The following AFF3 variants were observed in gnomAD, a reference collection of about 807,000 sequenced individuals.
The protein encoded by AFF3 is ALF transcription elongation factor 3.
AFF3 carries 32 observed loss-of-function variants against 129.7 expected under a neutral mutation model. The ratio of observed to expected loss-of-function variants is 0.25; its 90% CI spans 0.19 to 0.33. AFF3 has a LOEUF of 0.33. Among genes scored for constraint, AFF3 ranks in the 10% least tolerant of loss-of-function variants. The pLI, the probability that AFF3 is intolerant of heterozygous loss-of-function variation, is 1.00. For synonymous variants in AFF3, 644 were observed against 635.4 expected (o/e 1.01, Z -0.20); for missense variants, 1,373 against 1,592.0 (o/e 0.86, Z 2.34).
intron 11 of AFF3, among the ~76,000 whole-genome samples, chr2:99,681,910 T>TA (rs1475099146): frequency 6.7e-6 from 1 of 149,132 alleles, no homozygotes; most frequent in East Asian, 2.0e-4. Flanking sequence ...TTAATTCTAT[T>TA]TTTTTTTTTT....
chr2:99,653,384 G>A (rs1055378167), intron 12 of AFF3, among the ~76,000 whole-genome samples: 1 of 152,140 alleles, frequency 6.6e-6, no homozygotes, highest in Non-Finnish European at 1.5e-5. Context: ...CCTAGTCATG[G>A]AAATAGACCA....
At chr2:99,949,060 G>A (rs1234386800) in intron 7 of AFF3, among the ~76,000 whole-genome samples, 1 of 152,096 alleles carries the variant, frequency 6.6e-6, no homozygotes, top group African/African-American at 2.4e-5. Context: ...TGGATTTGGG[G>A]GTCAGAACAC....
chr2:99,564,239 G>T (rs1158070324), intron 20 of AFF3, among the ~76,000 whole-genome samples: 1 of 152,130 alleles, frequency 6.6e-6, no homozygotes, highest in East Asian at 1.9e-4. Context: ...CTGTGCTCAA[G>T]GTACTCACAC....
chr2:99,733,050 A>T (rs1679959971), intron 10 of AFF3, among the ~76,000 whole-genome samples: 1 of 152,138 alleles, frequency 6.6e-6, no homozygotes, highest in South Asian at 2.1e-4. Context: ...TCATACATAT[A>T]GTCGTGTGTG....
chr2:99,837,611 C>G (rs1245156756), intron 7 of AFF3, 87 bp from the exon 8 acceptor site: 1 of 904,370 alleles, frequency 1.1e-6, no homozygotes, highest in Non-Finnish European at 1.6e-6. Flanking sequence ...TAGTCCCCCC[C>G]AACAAAAAAA....
rs1427594553 is a variant in AFF3 at position 99,587,222 on chromosome 2, G to A, written c.2523C>T (p.Ser841=). The part of the protein sequence containing the change: ...EIKKSQGEKD[S]SSRLATSTSN... ...TGGTGGAGGTGGCCAGTCTTGAAGAGCTGTCTTTCTCTCCCTGGGACTTCT... is the reference window on the plus strand; with the variant it reads ...TGGTGGAGGTGGCCAGTCTTGAAGAACTGTCTTTCTCTCCCTGGGACTTCT... The change falls in exon 16 of 25, where the codon AGC becomes AGT. Residue 841 remains serine (S), a synonymous_variant. Transcript: ENST00000672756. 1.9e-6 allele frequency: 3 copies of A among 1,614,190 alleles called. No individual in the cohort carries two copies. The highest frequency in any genetic ancestry group is 2.5e-6 in the Non-Finnish European group (3 of 1,180,032).
At chr2:100,029,289 C>A (rs897907428) in intron 4 of AFF3, among the ~76,000 whole-genome samples, 2 of 152,080 alleles carry the variant, frequency 1.3e-5, no homozygotes, top group Non-Finnish European at 2.9e-5. Context: ...GAAACTGAGA[C>A]AGACATAGAG....
chr2:99,761,376 C>T (rs1338261388), intron 8 of AFF3, among the ~76,000 whole-genome samples: 2 of 152,158 alleles, frequency 1.3e-5, no homozygotes, highest in Non-Finnish European at 2.9e-5. Context: ...GGGCCAGTTT[C>T]CATTTTCACG....
chr2:99,876,127 T>A lies in AFF3; in HGVS notation c.874-38603A>T, dbSNP rs1466289633. The stretch of plus-strand genomic sequence containing the variant: ...ACAAAGAACCCAGTCCTGGGCCTCC[T>A]CCACTTCTCACTCCATGCTCATTCC... On this transcript the variant is annotated intron_variant, in intron 7 of 24. Transcript: ENST00000672756. Among the ~76,000 whole-genome samples the A allele has an allele frequency of 2.0e-5, 3 of 152,112 alleles. No individual in the cohort carries two copies. In the East Asian group the frequency reaches 5.8e-4, roughly 29 times the overall value.
chr2:99,876,152 C>G (rs376583457), intron 7 of AFF3, among the ~76,000 whole-genome samples: 11 of 152,282 alleles, frequency 7.2e-5, no homozygotes, highest in African/African-American at 2.6e-4. Flanking sequence ...ATGCTCATTC[C>G]CTAGGACATG....
In AFF3 at chr2:99,606,563, A is replaced by G. The variant is rs545488553; in HGVS notation, c.1185-4942T>C. Among the ~76,000 whole-genome samples the G allele has an allele frequency of 2.5e-3, 377 of 151,858 alleles. 2 individuals are homozygous for G. Among genetic ancestry groups the G allele is most frequent in the African/African-American group, 8.8e-3 (363 of 41,390 alleles). On this transcript the variant is annotated intron_variant, in intron 13 of 24. Transcript: ENST00000672756. The stretch of plus-strand genomic sequence containing the variant: ...CACTGGGTTAATGAGTTTTTTTTTT[A>G]AAAAAGAGATTGAATCTTTCGAGAA...
At chr2:99,753,462 T>C (rs1681838311) in intron 8 of AFF3, among the ~76,000 whole-genome samples, 1 of 152,258 alleles carries the variant, frequency 6.6e-6, no homozygotes, top group Non-Finnish European at 1.5e-5. Context: ...CAGTGGTCGA[T>C]CCATTTTCAG....
At chr2:99,922,099 T>C (rs924531185) in intron 7 of AFF3, among the ~76,000 whole-genome samples, 4 of 152,128 alleles carry the variant, frequency 2.6e-5, no homozygotes, top group Non-Finnish European at 5.9e-5. Context: ...ATGGAGTAAC[T>C]GGAACTCTAA....
chr2:99,845,526 G>A (rs909331009), intron 7 of AFF3, among the ~76,000 whole-genome samples: 2 of 152,134 alleles, frequency 1.3e-5, no homozygotes, highest in African/African-American at 4.8e-5. Flanking sequence ...TCTCAAAAAA[G>A]TACCACAGTA....
At chr2:99,948,047 T>C (rs761272181) in intron 7 of AFF3, among the ~76,000 whole-genome samples, 3 of 152,076 alleles carry the variant, frequency 2.0e-5, no homozygotes, top group Admixed American at 1.3e-4. Flanking sequence ...GTTGTGACAA[T>C]TGTATTTAAA....
chr2:99,768,814 A>G (rs1683230301), intron 8 of AFF3, among the ~76,000 whole-genome samples: 1 of 152,134 alleles, frequency 6.6e-6, no homozygotes, highest in Non-Finnish European at 1.5e-5. Flanking sequence ...TAAATATGTC[A>G]CGCCACTCTC....
intron 7 of AFF3, among the ~76,000 whole-genome samples, chr2:99,937,423 G>A (rs557040389): frequency 2.8e-4 from 43 of 151,814 alleles, no homozygotes; most frequent in Non-Finnish European, 5.7e-4. Flanking sequence ...TTTTTAAGAC[G>A]GAGTCTCGCT....
intron 4 of AFF3, among the ~76,000 whole-genome samples, chr2:100,027,146 G>C (rs1489013992): frequency 1.3e-5 from 2 of 152,084 alleles, no homozygotes; most frequent in East Asian, 3.8e-4. Context: ...CTATCCTATA[G>C]GCTTTAATCC....
At chr2:99,554,777 G>C in intron 22 of AFF3, 45 bp from the exon 23 acceptor site, 1 of 1,607,756 alleles carries the variant, frequency 6.2e-7, no homozygotes. Context: ...ATCTGCGTGA[G>C]GTGAAACAGG....
Sources: allele counts gnomAD v4.1 joint callset (sites outside exome capture counted in the v4.1 genomes callset), GRCh38; gene constraint gnomAD v4.1.1; transcripts MANE v1.5; gene names NCBI Gene and HGNC (gene_info 2026-07-23, HGNC 2026-07-21).